Variants in LRTM2 observed in about 807,000 individuals in gnomAD.
LRTM2 encodes leucine-rich repeat and transmembrane domain-containing protein 2.
LRTM2 carries 18 observed loss-of-function variants against 28.1 expected under a neutral mutation model. The ratio of observed to expected loss-of-function variants is 0.64; its 90% CI spans 0.44 to 0.95. The LOEUF (loss-of-function observed/expected upper bound fraction) is 0.95, where lower values mean the gene tolerates loss of function less well. Among genes scored for constraint, LRTM2 ranks in the 40% least tolerant of loss-of-function variants. The probability of loss-of-function intolerance (pLI) is 0.00; values close to 1 mark genes in which losing one functional copy is unlikely to be tolerated. For synonymous variants in LRTM2, 250 were observed against 218.7 expected, an observed-to-expected ratio of 1.14 and a Z score of -1.26; for missense variants, 436 against 497.2, an observed-to-expected ratio of 0.88 and a Z score of 1.17.
At chr12:1,826,402 C>A (rs966486443) in intron 1 of LRTM2, among the ~76,000 whole-genome samples, 2 of 20,896 alleles carry the variant, frequency 9.6e-5, no homozygotes, top group Non-Finnish European at 2.6e-4. Context: ...AACCCAGAGC[C>A]CCCCCCCCCC....
rs181436784 is a variant in LRTM2 at position 1,828,089 on chromosome 12, C to T, written c.-60C>T. The T allele has an allele frequency of 9.8e-4, 1,404 of 1,436,118 alleles. 1 individual carries two copies. The highest frequency in any genetic ancestry group is 1.2e-3 in the Non-Finnish European group (1,283 of 1,083,428). 89.0% of individuals were successfully genotyped at this position (1,436,118 alleles called of 1,614,324 possible). ...TCCCTCCCTCAGGACTGACAGGCGG[C>T]GCACCCAGGGGCTCCTCTCTCCCCA... On this transcript the variant is annotated 5_prime_UTR_variant, in exon 3 of 5. Transcript: ENST00000299194. This position sits in a 1 kb window ranked among gnomAD's most constrained non-coding sequence, Gnocchi z 4.2.
At chr12:1,825,406 T>C (rs895831593) in intron 1 of LRTM2, among the ~76,000 whole-genome samples, 4 of 152,166 alleles carry the variant, frequency 2.6e-5, no homozygotes, top group African/African-American at 9.7e-5. Context: ...GGCCTCAACA[T>C]GGGCCCTGGG....
intron 1 of LRTM2, among the ~76,000 whole-genome samples, chr12:1,826,478 C>T (rs1864331990): frequency 1.5e-5 from 2 of 130,338 alleles, no homozygotes; most frequent in South Asian, 5.2e-4. Context: ...AGAACCATGA[C>T]AGCACCACGC....
intron 3 of LRTM2, among the ~76,000 whole-genome samples, chr12:1,830,489 T>C (rs1464073261): frequency 6.6e-6 from 1 of 152,192 alleles, no homozygotes; most frequent in Admixed American, 6.5e-5. Flanking sequence ...GTCCCAGCAG[T>C]GACACTGGGA....
At chr12:1,821,930 C>G (rs1864120400) in intron 1 of LRTM2, among the ~76,000 whole-genome samples, 1 of 151,938 alleles carries the variant, frequency 6.6e-6, no homozygotes, top group Non-Finnish European at 1.5e-5. Context: ...GACACCCCTG[C>G]AGCTTAGATA....
rs1450209411 is a variant in LRTM2, at chr12:1,828,916, AG to A, written c.67+704del. 6.6e-6 allele frequency among the ~76,000 whole-genome samples: 1 copy of A among 152,198 alleles called. No individual in the cohort carries two copies. The highest frequency in any genetic ancestry group is 1.5e-5 in the Non-Finnish European group (1 of 68,036). ...ATGTGGCAAAGGGACCAGGTCAGCA[AG>A]GGCTGGTCTGCCCAAGGCTACACGG... On this transcript the variant is annotated intron_variant, in intron 3 of 4. Transcript: ENST00000299194. This position sits in a 1 kb window ranked among gnomAD's most constrained non-coding sequence, Gnocchi z 4.2.
In LRTM2 at chr12:1,834,417, C is replaced by G. The variant is rs1224278416; in HGVS notation, c.809C>G (p.Thr270Ser). The change falls in exon 5 of 5, where the codon ACC (threonine) becomes AGC (serine). Residue 270 changes from threonine to serine, a missense_variant. Thr to Ser is a moderately conservative substitution (Grantham distance 58, BLOSUM62 1). Coordinates refer to ENST00000299194, the MANE Select transcript of LRTM2 (RefSeq NM_001039029.3). This position sits in a 1 kb window ranked among gnomAD's most constrained non-coding sequence, Gnocchi z 7.6. ...AGLDIPGPPCTKASPEPAKPK... is the reference protein window; with the variant it reads ...AGLDIPGPPCSKASPEPAKPK... ...CTGGATATTCCTGGGCCACCCTGCA[C>G]CAAGGCCAGTCCAGAGCCTGCTAAG... 6.2e-7 allele frequency: 1 copy of G among 1,613,012 alleles called. No homozygotes were observed. Among genetic ancestry groups the G allele is most frequent in the Admixed American group, 1.7e-5 (1 of 60,022 alleles).
Position 1,826,487 on chromosome 12 carries a change from G to A in LRTM2, c.-258-923G>A, listed in dbSNP as rs116647039. Among the ~76,000 whole-genome samples the A allele has an allele frequency of 8.1e-3, 1,032 of 127,346 alleles. 12 individuals are homozygous for A. The highest frequency in any genetic ancestry group is 0.028 in the African/African-American group (979 of 35,158). 83.5% of individuals were successfully genotyped at this position (127,346 alleles called of 152,430 possible). ...GGTTAGAGAACCATGACAGCACCAC[G>A]CTCAGGGGCTCCTCCACCCCTCATG... On this transcript the variant is annotated intron_variant, in intron 1 of 4. Transcript: ENST00000299194.
At chr12:1,830,497 G>A (rs1358042001) in intron 3 of LRTM2, among the ~76,000 whole-genome samples, 3 of 152,214 alleles carry the variant, frequency 2.0e-5, no homozygotes, top group Admixed American at 2.0e-4. Flanking sequence ...AGTGACACTG[G>A]GAGAGGGCAT....
chr12:1,822,876 G>A (rs915707257), intron 1 of LRTM2, among the ~76,000 whole-genome samples: 4 of 152,176 alleles, frequency 2.6e-5, no homozygotes, highest in Non-Finnish European at 5.9e-5. Context: ...ATCTCGGGCC[G>A]TCTTTGGCCC....
chr12:1,831,683 G>A (rs941782697), intron 4 of LRTM2, among the ~76,000 whole-genome samples, 158 bp downstream of exon 4: 59 of 152,116 alleles, frequency 3.9e-4, no homozygotes, highest in African/African-American at 1.3e-3. Flanking sequence ...AAAGTCACAA[G>A]CCTCCCCTCA....
Position 1,829,154 on chromosome 12 carries a change from A to G in LRTM2, c.67+939A>G, listed in dbSNP as rs116781783. 9.2e-3 allele frequency among the ~76,000 whole-genome samples: 1,395 copies of G among 152,090 alleles called. 23 individuals carry two copies. Among genetic ancestry groups the G allele is most frequent in the African/African-American group, 0.03 (1,230 of 41,456 alleles). ...TCACTGGAGCTTTTATGCCACCTTG[A>G]TCTCCAGGGAGGTGGGGGGCGCAGG... is the stretch of plus-strand genomic sequence containing the variant. On this transcript the variant is annotated intron_variant, in intron 3 of 4. Transcript: ENST00000299194. This position sits in a 1 kb window ranked among gnomAD's most constrained non-coding sequence, Gnocchi z 4.2.
At chr12:1,821,460 C>T (rs1306946408) in intron 1 of LRTM2, among the ~76,000 whole-genome samples, 2 of 152,156 alleles carry the variant, frequency 1.3e-5, no homozygotes, top group East Asian at 1.9e-4. Flanking sequence ...TGGGAGTGGG[C>T]AGGAGAGAGA....
Position 1,834,247 on chromosome 12 carries a change from T to C in LRTM2, c.659-20T>C. The C allele has an allele frequency of 6.5e-7, 1 of 1,531,582 alleles. No homozygotes were observed. Among genetic ancestry groups the C allele is most frequent in the Non-Finnish European group, 8.8e-7 (1 of 1,137,872 alleles). 94.9% of individuals were successfully genotyped at this position (1,531,582 alleles called of 1,614,324 possible). ...GTTCTAGATGCCTGGTCAGCCCCTC[T>C]TTTTCTCTTCTGCATGTAGGGGGAC... On this transcript the variant is annotated intron_variant, in intron 4 of 4. Coordinates refer to ENST00000299194, the MANE Select transcript of LRTM2 (RefSeq NM_001039029.3). This position sits in a 1 kb window ranked among gnomAD's most constrained non-coding sequence, Gnocchi z 7.6.
chr12:1,828,314 GC>G lies in LRTM2; in HGVS notation c.67+100del. The G allele has an allele frequency of 9.2e-7, 1 of 1,084,072 alleles. No homozygotes were observed. Among genetic ancestry groups the G allele is most frequent in the Non-Finnish European group, 1.3e-6 (1 of 775,620 alleles). 67.2% of individuals were successfully genotyped at this position (1,084,072 alleles called of 1,614,324 possible). ...ATGGGACCTTAGCCACACTCAGGCT[GC>G]AGGGAGGCCTACGCCAGATCTTCCT... On this transcript the variant is annotated intron_variant, in intron 3 of 4. Coordinates refer to ENST00000299194, the MANE Select transcript of LRTM2 (RefSeq NM_001039029.3). The surrounding 1 kb of genome is among the most constrained non-coding windows in gnomAD (Gnocchi z 4.2).
chr12:1,829,360 G>T lies in LRTM2; in HGVS notation c.67+1145G>T, dbSNP rs144814995. 1.6e-4 allele frequency among the ~76,000 whole-genome samples: 24 copies of T among 152,294 alleles called. No individual in the cohort carries two copies. Among genetic ancestry groups the T allele is most frequent in the Middle Eastern group, 3.4e-3 (1 of 294 alleles). On this transcript the variant is annotated intron_variant, in intron 3 of 4. Transcript: ENST00000299194. This position sits in a 1 kb window ranked among gnomAD's most constrained non-coding sequence, Gnocchi z 4.2. Reference sequence around the variant, plus strand: ...AAATGGCTTGGGGTGGTGGTATGGGGCTGGCTGATCTGGTAGCAGACGGGC... The same window carrying T: ...AAATGGCTTGGGGTGGTGGTATGGGTCTGGCTGATCTGGTAGCAGACGGGC...
At chr12:1,825,290 G>A (rs1383491397) in intron 1 of LRTM2, among the ~76,000 whole-genome samples, 1 of 152,202 alleles carries the variant, frequency 6.6e-6, no homozygotes, top group East Asian at 1.9e-4. Context: ...GGAGGCAGAA[G>A]CCTTAGGTGG....
At chr12:1,830,021 G>A (rs1592689394) in intron 3 of LRTM2, among the ~76,000 whole-genome samples, 1 of 152,318 alleles carries the variant, frequency 6.6e-6, no homozygotes, top group South Asian at 2.1e-4. Context: ...CCTACAGACA[G>A]GACCCCATGC....
In LRTM2 at chr12:1,820,894, G is replaced by A. The variant is rs891250165; in HGVS notation, c.-259+80G>A. 2.0e-5 allele frequency: 3 copies of A among 152,254 alleles called. No individual in the cohort carries two copies. The highest frequency in any genetic ancestry group is 1.3e-4 in the Admixed American group (2 of 15,292). 9.4% of individuals were successfully genotyped at this position (152,254 alleles called of 1,614,324 possible). ...GGTCGGGGCATGGGAAGTGGGCACC[G>A]GCCATCTCTGCCCTGCAGGAATAGC... On this transcript the variant is annotated intron_variant, in intron 1 of 4. Coordinates refer to ENST00000299194, the MANE Select transcript of LRTM2 (RefSeq NM_001039029.3). The surrounding 1 kb of genome is among the most constrained non-coding windows in gnomAD (Gnocchi z 6.0).
Sources: gnomAD v4.1 joint callset for allele counts (sites outside exome capture counted in the v4.1 genomes callset) on GRCh38, gnomAD v4.1.1 for gene constraint, Gnocchi (gnomAD v3.1) non-coding constraint, MANE v1.5 for transcripts, NCBI Gene and HGNC (gene_info 2026-07-23, HGNC 2026-07-21) for gene names.